Variants in STAB2 observed in about 807,000 individuals in gnomAD.
STAB2 encodes the protein stabilin 2.
A neutral mutation model predicts 338.1 loss-of-function variants in STAB2; 288 were observed. The observed-to-expected ratio is 0.85, with a 90% CI of 0.77 to 0.94. STAB2 has a LOEUF of 0.94. Among genes scored for constraint, STAB2 ranks in the 40% least tolerant of loss-of-function variants. The probability of loss-of-function intolerance (pLI) is 0.00; values close to 1 mark genes in which losing one functional copy is unlikely to be tolerated. For synonymous variants in STAB2, 1,202 were observed against 1,193.3 expected (o/e 1.01, Z -0.15); for missense variants, 3,141 against 3,210.1 (o/e 0.98, Z 0.52).
rs577475633 is a variant in STAB2, at chr12:103,695,820, C to T, written c.3558C>T (p.Ile1186=). The T allele has an allele frequency of 1.2e-6, 2 of 1,614,124 alleles. No individual in the cohort carries two copies. Among genetic ancestry groups the T allele is most frequent in the East Asian group, 4.5e-5 (2 of 44,884 alleles). Residue 1186 remains isoleucine, a synonymous_variant, in exon 33 of 69, where the codon ATC becomes ATT. Coordinates refer to ENST00000388887, the MANE Select transcript of STAB2 (RefSeq NM_017564.10). ...ACAACAATGCCATCGAGAATTACATCAGGGAGAAGAAAGTCTTGTCTCTAG... is the reference window on the plus strand; with the variant it reads ...ACAACAATGCCATCGAGAATTACATTAGGGAGAAGAAAGTCTTGTCTCTAG... ...APNNNAIENY[I]REKKVLSLEE... is the part of the protein sequence containing the mutation.
At chr12:103,590,787 G>T in intron 1 of STAB2, 110 bp from the exon 2 acceptor site, 2 of 1,309,244 alleles carry the variant, frequency 1.5e-6, no homozygotes, top group Non-Finnish European at 2.2e-6. Context: ...CATCCCTGAC[G>T]TTCCATTGAG....
rs142766388 is a variant in STAB2 at position 103,685,079 on chromosome 12, G to A, written c.2992G>A (p.Ala998Thr). 13 of 1,613,672 alleles carry A rather than the reference G, an allele frequency of 8.1e-6. No individual in the cohort carries two copies. Among genetic ancestry groups the A allele is most frequent in the South Asian group, 1.1e-5 (1 of 91,082 alleles). The change falls in exon 27 of 69, where the codon GCA becomes ACA. Residue 998 changes from alanine to threonine, a missense_variant. Ala to Thr is a moderately conservative substitution (Grantham distance 58). Transcript: ENST00000388887. ...GDGFLCYGNA[A>T]VELSFLSEAA... ...TGGCTTTCTGTGCTATGGAAACGCA[G>A]CAGTGGTAAGTCATCGATGATGAAC...
At chr12:103,603,212 A>G (rs1005032605) in intron 3 of STAB2, among the ~76,000 whole-genome samples, 2 of 152,060 alleles carry the variant, frequency 1.3e-5, no homozygotes, top group Non-Finnish European at 2.9e-5. Context: ...CTGGGACTAC[A>G]GGCACCCGCA....
At chr12:103,741,708 G>A (rs1302513864) in intron 55 of STAB2, among the ~76,000 whole-genome samples, 1 of 152,208 alleles carries the variant, frequency 6.6e-6, no homozygotes, top group African/African-American at 2.4e-5. Flanking sequence ...ATCCATCTTG[G>A]CCTCCCAAAG....
At chr12:103,602,753 GT>G in intron 3 of STAB2, among the ~76,000 whole-genome samples, 1 of 151,982 alleles carries the variant, frequency 6.6e-6, no homozygotes, top group Non-Finnish European at 1.5e-5. Context: ...TGGGTTGTTT[GT>G]TTTCTTATTA....
At chr12:103,668,422 A>G (rs960678040) in intron 19 of STAB2, among the ~76,000 whole-genome samples, 44 of 152,192 alleles carry the variant, frequency 2.9e-4, no homozygotes, top group African/African-American at 1.0e-3. Context: ...TGGGCCATGG[A>G]TGATGCAAAC....
Position 103,587,567 on chromosome 12 carries a change from G to C in STAB2, c.81+10G>C. 1 of 1,610,116 alleles carries C rather than the reference G, an allele frequency of 6.2e-7. No individual in the cohort carries two copies. Among genetic ancestry groups the C allele is most frequent in the Non-Finnish European group, 8.5e-7 (1 of 1,176,866 alleles). On this transcript the variant is annotated intron_variant, in intron 1 of 68. Coordinates refer to ENST00000388887, the MANE Select transcript of STAB2 (RefSeq NM_017564.10). ...TGAAACCACAGGGCAGGTAAGAGGA[G>C]ACTTACATATTTTTTTCATTTGTTA...
chr12:103,648,616 A>G (rs1802398775), intron 9 of STAB2, 74 bp from the exon 10 acceptor site: 16 of 1,542,442 alleles, frequency 1.0e-5, no homozygotes. Flanking sequence ...CTGTTCAATG[A>G]GGGGATTGGA....
chr12:103,733,882 GATCATATA>G (rs1566057941), intron 51 of STAB2, among the ~76,000 whole-genome samples: 14 of 149,486 alleles, frequency 9.4e-5, no homozygotes, highest in Admixed American at 4.0e-4. Context: ...GAGCAAGCAC[GATCATATA>G]GGAGCAAGCA....
In STAB2 at chr12:103,737,932, TA is replaced by T; in HGVS notation, c.5697+153del. 8 of 1,020,734 alleles carry T rather than the reference TA, an allele frequency of 7.8e-6. No homozygotes were observed. The South Asian group carries it at 1.4e-4, about 18-fold the overall frequency. 63.2% of individuals were successfully genotyped at this position (1,020,734 alleles called of 1,614,324 possible). On this transcript the variant is annotated intron_variant, in intron 53 of 68. Transcript: ENST00000388887. ...CTGAGGGCCAAATGATGTAGTTCTTTAGACTCAGAAGCAACAGGCATCTACT... is the reference window on the plus strand; with the variant it reads ...CTGAGGGCCAAATGATGTAGTTCTTTGACTCAGAAGCAACAGGCATCTACT...
At chr12:103,750,515 C>CA (rs1167747566) in intron 59 of STAB2, 64 bp from the exon 60 acceptor site, 1 of 1,592,208 alleles carries the variant, frequency 6.3e-7, no homozygotes, top group African/African-American at 1.3e-5. Flanking sequence ...GTCCCATGGG[C>CA]ACTTGGGCAT....
At chr12:103,655,619 C>T (rs1874124304) in intron 15 of STAB2, 38 bp downstream of exon 15, 1 of 1,610,878 alleles carries the variant, frequency 6.2e-7, no homozygotes, top group Admixed American at 1.7e-5. Flanking sequence ...ATCGTGTCAG[C>T]AGCACTGCCT....
intron 1 of STAB2, among the ~76,000 whole-genome samples, chr12:103,588,957 C>T (rs1956755759): frequency 2.0e-5 from 3 of 152,122 alleles, no homozygotes; most frequent in Admixed American, 2.0e-4. Flanking sequence ...TTTCTATACT[C>T]CACTCAGGTG....
At chr12:103,732,018 G>A (rs558669356) in intron 50 of STAB2, among the ~76,000 whole-genome samples, 12 of 152,282 alleles carry the variant, frequency 7.9e-5, no homozygotes, top group African/African-American at 2.2e-4. Flanking sequence ...AATTAAAACC[G>A]TATCTTTCTG....
chr12:103,649,260 G>C (rs775413910), intron 10 of STAB2, among the ~76,000 whole-genome samples: 2 of 152,200 alleles, frequency 1.3e-5, no homozygotes, highest in African/African-American at 4.8e-5. Flanking sequence ...TGGAGGGGCT[G>C]TTTGAATTTT....
intron 60 of STAB2, 121 bp downstream of exon 60, chr12:103,750,841 A>G (rs1345866131): frequency 2.2e-6 from 3 of 1,352,444 alleles, no homozygotes; most frequent in African/African-American, 2.9e-5. Context: ...CTGTAATCCC[A>G]ATACTTTGGG....
chr12:103,604,602 C>A (rs1957000633), intron 3 of STAB2, among the ~76,000 whole-genome samples: 1 of 151,908 alleles, frequency 6.6e-6, no homozygotes, highest in Non-Finnish European at 1.5e-5. Flanking sequence ...ACTTTCAATA[C>A]ATTTGTCCAT....
chr12:103,754,026 G>C (rs1883901245), intron 61 of STAB2, among the ~76,000 whole-genome samples: 1 of 152,210 alleles, frequency 6.6e-6, no homozygotes, highest in African/African-American at 2.4e-5. Flanking sequence ...CTAGCAGGTT[G>C]GAGTTCCAGG....
chr12:103,636,001 T>G (rs1478030132), intron 6 of STAB2, among the ~76,000 whole-genome samples: 1 of 152,246 alleles, frequency 6.6e-6, no homozygotes, highest in Non-Finnish European at 1.5e-5. Flanking sequence ...TCAGCCCTAG[T>G]ACAGTAGTTG....
Sources: gnomAD v4.1 joint callset for allele counts (sites outside exome capture counted in the v4.1 genomes callset) on GRCh38, gnomAD v4.1.1 for gene constraint, MANE v1.5 for transcripts, NCBI Gene and HGNC (gene_info 2026-07-23, HGNC 2026-07-21) for gene names.